Variants in AFF2 observed in about 807,000 individuals in gnomAD.
AFF2 encodes AF4/FMR2 family member 2.
A neutral mutation model predicts 76.9 loss-of-function variants in AFF2; 14 were observed. The ratio of observed to expected loss-of-function variants is 0.18; its 90% CI spans 0.12 to 0.28. The LOEUF is 0.28. Among genes scored for constraint, AFF2 ranks in the 10% least tolerant of loss-of-function variants. The pLI, the probability that AFF2 is intolerant of heterozygous loss-of-function variation, is 1.00. For synonymous variants in AFF2, 398 were observed against 366.7 expected, an observed-to-expected ratio of 1.09 and a Z score of -0.98; for missense variants, 868 against 1,001.1, an observed-to-expected ratio of 0.87 and a Z score of 1.79.
Position 148,884,554 on chromosome X carries a change from CACTA to C in AFF2, c.1263-1330_1263-1327del, listed in dbSNP as rs782516625. 1.5e-3 allele frequency among the ~76,000 whole-genome samples: 172 copies of C among 112,978 alleles called. 2 individuals carry two copies. The highest frequency in any genetic ancestry group is 0.014 in the Admixed American group (150 of 10,683). On this transcript the variant is annotated intron_variant, in intron 7 of 20. Coordinates refer to ENST00000370460, the MANE Select transcript of AFF2 (RefSeq NM_002025.4). ...ATGGAAATTTTAGGAGTGGCTCCAG[CACTA>C]ACTATTAATAGCTGGGTGAGCTTCA... is the stretch of plus-strand genomic sequence containing the variant.
rs1333349832 is a variant in AFF2 at position 148,904,264 on chromosome X, T to C, written c.1397+6T>C. 4 of 1,053,157 alleles carry C rather than the reference T, an allele frequency of 3.8e-6. No individual in the cohort carries two copies. Among genetic ancestry groups the C allele is most frequent in the Non-Finnish European group, 5.3e-6 (4 of 757,034 alleles). The allele number at this position is 1,053,157 out of a possible 1,213,427, so 86.8% of individuals were successfully genotyped here. ...CCTAGGAATAATCCTGTGAAGTAAGTTATTATTTTTATTAGTTGCAAATGT... is the reference window on the plus strand; with the variant it reads ...CCTAGGAATAATCCTGTGAAGTAAGCTATTATTTTTATTAGTTGCAAATGT... On this transcript the variant is annotated splice_donor_region_variant and intron_variant, in intron 9 of 20. Coordinates refer to ENST00000370460, the MANE Select transcript of AFF2 (RefSeq NM_002025.4).
intron 3 of AFF2, among the ~76,000 whole-genome samples, chrX:148,773,711 AAAGAAAG>A (rs1456887255): frequency 2.0e-5 from 2 of 99,139 alleles, no homozygotes; most frequent in Non-Finnish European, 3.9e-5. Flanking sequence ...AGAAAGAAAG[AAAGAAAG>A]AAAGAAAGAA....
chrX:148,872,586 G>T (rs781877671), intron 7 of AFF2, among the ~76,000 whole-genome samples: 1 of 112,098 alleles, frequency 8.9e-6, no homozygotes, highest in African/African-American at 3.2e-5. Flanking sequence ...ATGATGTTGA[G>T]CATCTTTTCA....
intron 3 of AFF2, among the ~76,000 whole-genome samples, chrX:148,701,824 C>T (rs782752012): frequency 1.6e-4 from 18 of 111,640 alleles, no homozygotes; most frequent in African/African-American, 5.5e-4. Context: ...CCATCTCTGC[C>T]GTGATCAACC....
intron 1 of AFF2, among the ~76,000 whole-genome samples, chrX:148,537,843 G>A (rs1443789856): frequency 1.8e-5 from 2 of 111,942 alleles, no homozygotes; most frequent in Admixed American, 9.5e-5. Context: ...GTGGGTTAGG[G>A]AGAAGCAGAA....
At chrX:148,716,418 T>A (rs1250034148) in intron 3 of AFF2, among the ~76,000 whole-genome samples, 7 of 111,892 alleles carry the variant, frequency 6.3e-5, no homozygotes, top group Non-Finnish European at 1.1e-4. Context: ...GATAGAAGAA[T>A]CTATGCCAGT....
At chrX:148,796,657 A>ATT (rs781836729) in intron 3 of AFF2, among the ~76,000 whole-genome samples, 223 of 112,179 alleles carry the variant, frequency 2.0e-3, no homozygotes, top group Non-Finnish European at 3.6e-3. Context: ...ATAAGATAAA[A>ATT]ATCTGTCTGG....
In AFF2 at chrX:148,966,677, C is replaced by CTTT. The variant is rs111499310; in HGVS notation, c.2914-100_2914-98dup. On this transcript the variant is annotated intron_variant, in intron 13 of 20. Transcript: ENST00000370460. ...TCAAGCTGTGTGCATTGTTTTCTTT[C>CTTT]TTTTTTTTTTTTTTTGCCTTCTTTC... is the stretch of plus-strand genomic sequence containing the variant. The CTTT allele has an allele frequency of 2.2e-4, 222 of 1,004,473 alleles. 2 individuals carry two copies. In the African/African-American group the frequency reaches 3.9e-3, roughly 18 times the overall value. The allele number at this position is 1,004,473 out of a possible 1,213,427, so 82.8% of individuals were successfully genotyped here.
In AFF2 at chrX:148,638,272, A is replaced by T. The variant is rs781838347; in HGVS notation, c.48-13727A>T. 4.5e-5 allele frequency among the ~76,000 whole-genome samples: 5 copies of T among 111,710 alleles called. No homozygotes were observed. The South Asian group carries it at 1.9e-3, about 42-fold the overall frequency. On this transcript the variant is annotated intron_variant, in intron 1 of 20. Transcript: ENST00000370460. ...AAGGAAAGAGGTTTAATTGACTCACAGTTTCGCATGACAGGGGAGGCCCCT... is the reference window on the plus strand; with the variant it reads ...AAGGAAAGAGGTTTAATTGACTCACTGTTTCGCATGACAGGGGAGGCCCCT...
intron 3 of AFF2, among the ~76,000 whole-genome samples, chrX:148,681,559 TGTGTCA>T (rs1409928824): frequency 2.7e-5 from 2 of 73,999 alleles, no homozygotes; most frequent in African/African-American, 1.1e-4. Context: ...TGTGTGTGTG[TGTGTCA>T]GTGTGTGTGT....
chrX:148,681,663 A>G (rs1557259975), intron 3 of AFF2, among the ~76,000 whole-genome samples: 2 of 109,155 alleles, frequency 1.8e-5, no homozygotes, highest in Non-Finnish European at 3.8e-5. Context: ...AAAGAAAGAA[A>G]GAGAAAGAAA....
At chrX:148,906,656 C>T (rs968059638) in intron 9 of AFF2, among the ~76,000 whole-genome samples, 2 of 111,716 alleles carry the variant, frequency 1.8e-5, no homozygotes, top group South Asian at 7.6e-4. Flanking sequence ...ATCAGGTAAC[C>T]CTCTTTGGGT....
intron 1 of AFF2, among the ~76,000 whole-genome samples, chrX:148,522,448 A>G (rs1203713412): frequency 8.9e-6 from 1 of 112,652 alleles, no homozygotes; most frequent in Non-Finnish European, 1.9e-5. Flanking sequence ...TTATGGAAAC[A>G]GGCATACATT....
intron 3 of AFF2, among the ~76,000 whole-genome samples, chrX:148,758,317 TTTCTCAAA>T (rs2069399765): frequency 8.9e-6 from 1 of 112,861 alleles, no homozygotes; most frequent in African/African-American, 3.2e-5. Flanking sequence ...CAGAAACACG[TTTCTCAAA>T]TATTGGATAG....
intron 1 of AFF2, among the ~76,000 whole-genome samples, chrX:148,533,712 C>G (rs1401852467): frequency 9.0e-6 from 1 of 111,638 alleles, no homozygotes; most frequent in Non-Finnish European, 1.9e-5. Context: ...GAAATTTCTG[C>G]CAGGGTCATA....
chrX:148,573,036 AG>A (rs2053247883), intron 1 of AFF2, among the ~76,000 whole-genome samples: 1 of 111,427 alleles, frequency 9.0e-6, no homozygotes, highest in Non-Finnish European at 1.9e-5. Flanking sequence ...TATTTCAGAA[AG>A]AGTATTTTAT....
intron 3 of AFF2, among the ~76,000 whole-genome samples, chrX:148,745,062 C>T (rs1284119465): frequency 3.6e-5 from 4 of 111,675 alleles, no homozygotes; most frequent in African/African-American, 9.8e-5. Context: ...GCCTGGCTCC[C>T]GAGTTAGGTG....
chrX:148,693,697 A>G (rs1557260982), intron 3 of AFF2, among the ~76,000 whole-genome samples: 1 of 111,746 alleles, frequency 8.9e-6, no homozygotes, highest in African/African-American at 3.3e-5. Context: ...TTTGCTGTAT[A>G]TTGATATAAT....
intron 7 of AFF2, among the ~76,000 whole-genome samples, chrX:148,884,551 C>T (rs2071134876): frequency 8.9e-6 from 1 of 112,856 alleles, no homozygotes; most frequent in African/African-American, 3.2e-5. Flanking sequence ...GGAGTGGCTC[C>T]AGCACTAACT....
Sources: allele counts gnomAD v4.1 joint callset (sites outside exome capture counted in the v4.1 genomes callset), GRCh38; gene constraint gnomAD v4.1.1; transcripts MANE v1.5; gene names NCBI Gene and HGNC (gene_info 2026-07-23, HGNC 2026-07-21).